The following FAM13C variants were observed in gnomAD, a reference collection of about 807,000 sequenced individuals.
FAM13C encodes protein FAM13C.
A neutral mutation model predicts 73.2 loss-of-function variants in FAM13C; 37 were observed. The observed-to-expected ratio is 0.51, with a 90% CI of 0.39 to 0.67. FAM13C has a LOEUF of 0.67. Ranked by LOEUF, FAM13C falls within the 30% of genes least tolerant of loss-of-function variation. The pLI, the probability that FAM13C is intolerant of heterozygous loss-of-function variation, is 0.00. For missense variants in FAM13C, 589 were observed against 715.6 expected (o/e 0.82, Z 2.02); for synonymous variants, 246 against 260.9 (o/e 0.94, Z 0.55).
intron 10 of FAM13C, among the ~76,000 whole-genome samples, chr10:59,256,524 G>T (rs1353216837): frequency 6.6e-6 from 1 of 152,116 alleles, no homozygotes; most frequent in South Asian, 2.1e-4. Flanking sequence ...CTTTGATTCC[G>T]TTGTCTTCCT....
chr10:59,361,591 A>G (rs1455369336), intron 1 of FAM13C, among the ~76,000 whole-genome samples: 1 of 151,086 alleles, frequency 6.6e-6, no homozygotes, highest in Non-Finnish European at 1.5e-5. Flanking sequence ...AGAATGCTAG[A>G]TGAAGTACAT....
chr10:59,333,580 T>C (rs1002452413), intron 3 of FAM13C, among the ~76,000 whole-genome samples: 1 of 152,194 alleles, frequency 6.6e-6, no homozygotes, highest in Non-Finnish European at 1.5e-5. Context: ...TTATTCCTTT[T>C]TTGGGGGCTG....
intron 4 of FAM13C, among the ~76,000 whole-genome samples, chr10:59,308,917 AC>A (rs2133915327): frequency 6.6e-6 from 1 of 152,190 alleles, no homozygotes; most frequent in South Asian, 2.1e-4. Context: ...AAAACAATAA[AC>A]CCAACTAAGC....
chr10:59,278,193 A>G (rs1416529549), intron 6 of FAM13C, among the ~76,000 whole-genome samples: 1 of 151,962 alleles, frequency 6.6e-6, no homozygotes, highest in African/African-American at 2.4e-5. Flanking sequence ...TGATTCAATT[A>G]CCTCCCACCA....
At chr10:59,334,410 A>G (rs1297135416) in intron 3 of FAM13C, among the ~76,000 whole-genome samples, 1 of 152,200 alleles carries the variant, frequency 6.6e-6, no homozygotes, top group Admixed American at 6.5e-5. Flanking sequence ...CTTACTGGGT[A>G]TATACCCAAA....
intron 3 of FAM13C, among the ~76,000 whole-genome samples, chr10:59,347,393 T>G (rs1854448925): frequency 3.3e-5 from 5 of 152,166 alleles, no homozygotes; most frequent in Admixed American, 3.3e-4. Flanking sequence ...AAAATTTGAA[T>G]CTGATCCTCC....
intron 4 of FAM13C, among the ~76,000 whole-genome samples, chr10:59,321,174 C>T (rs766104185): frequency 5.3e-5 from 8 of 152,080 alleles, no homozygotes; most frequent in Non-Finnish European, 7.4e-5. Context: ...TAATTAAGGA[C>T]CTCGAGATAG....
At chr10:59,258,956 G>A (rs1425949982) in intron 10 of FAM13C, among the ~76,000 whole-genome samples, 2 of 152,122 alleles carry the variant, frequency 1.3e-5, no homozygotes, top group Non-Finnish European at 2.9e-5. Flanking sequence ...TTGGTAATTT[G>A]AGCTGTGCAC....
intron 4 of FAM13C, among the ~76,000 whole-genome samples, chr10:59,313,927 C>A (rs1564568422): frequency 6.6e-6 from 1 of 152,108 alleles, no homozygotes; most frequent in Non-Finnish European, 1.5e-5. Context: ...AACTACTGAA[C>A]CTATGAGTTC....
chr10:59,344,573 C>T (rs1254662780), intron 3 of FAM13C, among the ~76,000 whole-genome samples: 2 of 152,282 alleles, frequency 1.3e-5, no homozygotes, highest in Admixed American at 6.5e-5. Context: ...TGAGCCATCA[C>T]GCCCGGCCTG....
At chr10:59,348,761 G>A (rs1854638299) in intron 3 of FAM13C, among the ~76,000 whole-genome samples, 2 of 152,140 alleles carry the variant, frequency 1.3e-5, no homozygotes, top group East Asian at 1.9e-4. Flanking sequence ...TCAGCCTCCC[G>A]AGTAGCTGGG....
intron 4 of FAM13C, among the ~76,000 whole-genome samples, chr10:59,319,923 A>T (rs1459532973): frequency 1.3e-5 from 2 of 152,196 alleles, no homozygotes; most frequent in African/African-American, 4.8e-5. Context: ...TGGGGAAAAG[A>T]TGGCATTAAG....
rs184594111 is a variant in FAM13C at position 59,265,459 on chromosome 10, T to A, written c.943-1293A>T. Among the ~76,000 whole-genome samples the A allele has an allele frequency of 3.1e-3, 477 of 152,074 alleles. 3 individuals are homozygous for A. The highest frequency in any genetic ancestry group is 0.011 in the African/African-American group (444 of 41,496). On this transcript the variant is annotated intron_variant, in intron 8 of 13. Coordinates refer to ENST00000618804, the MANE Select transcript of FAM13C (RefSeq NM_198215.4). The stretch of plus-strand genomic sequence containing the variant: ...TGCACTGTATCGTCTAGTACTTTGG[T>A]TTGGGTAGCAGTCTGGTTACACGGA...
intron 3 of FAM13C, among the ~76,000 whole-genome samples, chr10:59,336,546 T>C (rs1379725103): frequency 6.6e-6 from 1 of 152,296 alleles, no homozygotes; most frequent in Non-Finnish European, 1.5e-5. Flanking sequence ...GGGTGTGTAC[T>C]TCTGACTGGT....
At chr10:59,337,978 C>G (rs190778) in intron 3 of FAM13C, among the ~76,000 whole-genome samples, 37,351 of 151,882 alleles carry the variant, frequency 0.25, 4,833 homozygotes, top group African/African-American at 0.3. Context: ...CCATGCCCAG[C>G]CTGAACTTTT....
At position 59,321,431 on chromosome 10, in the gene FAM13C, CCTTTTTTTTTT is replaced by C. The variant is rs1298445176; in HGVS notation, c.443+2546_443+2556del. On this transcript the variant is annotated intron_variant, in intron 4 of 13. Coordinates refer to ENST00000618804, the MANE Select transcript of FAM13C (RefSeq NM_198215.4). ...AGAAAGGAATGGAGCCCTGCCAACA[CCTTTTTTTTTT>C]TTTTTTTTTTTTTTTTTGGCCCAGG... Among the ~76,000 whole-genome samples the C allele has an allele frequency of 1.5e-3, 169 of 109,848 alleles. 2 individuals are homozygous for C. Among genetic ancestry groups the C allele is most frequent in the African/African-American group, 5.6e-3 (161 of 28,944 alleles). 72.1% of individuals were successfully genotyped at this position (109,848 alleles called of 152,430 possible). A position where few individuals can be genotyped will look rare whatever the true frequency, so the allele number is the denominator to read the frequency against.
chr10:59,332,765 T>C (rs1852167803), intron 3 of FAM13C, among the ~76,000 whole-genome samples: 1 of 152,200 alleles, frequency 6.6e-6, no homozygotes, highest in Non-Finnish European at 1.5e-5. Flanking sequence ...CCTATGAATA[T>C]GGCACCACAA....
chr10:59,290,454 A>G (rs1459679083), intron 5 of FAM13C, among the ~76,000 whole-genome samples: 1 of 151,704 alleles, frequency 6.6e-6, no homozygotes, highest in Non-Finnish European at 1.5e-5. Context: ...TCTACTTACC[A>G]CTCTTCTTCC....
chr10:59,248,371 C>T (rs1405111074), intron 13 of FAM13C, among the ~76,000 whole-genome samples: 1 of 152,118 alleles, frequency 6.6e-6, no homozygotes, highest in African/African-American at 2.4e-5. Context: ...TCTACTAAGG[C>T]TAGACATGTA....
Sources: gnomAD v4.1 joint callset for allele counts (sites outside exome capture counted in the v4.1 genomes callset) on GRCh38, gnomAD v4.1.1 for gene constraint, MANE v1.5 for transcripts, NCBI Gene and HGNC (gene_info 2026-07-23, HGNC 2026-07-21) for gene names.